Variants in RPRD1B observed in about 807,000 individuals in gnomAD.
RPRD1B encodes regulation of nuclear pre-mRNA domain containing 1B.
A neutral mutation model predicts 41.5 loss-of-function variants in RPRD1B; 11 were observed. That is an observed-to-expected ratio of 0.27 (90% CI 0.17 to 0.44). The LOEUF is 0.44. Ranked by LOEUF, RPRD1B falls within the 20% of genes least tolerant of loss-of-function variation. The pLI is 1.00. For synonymous variants in RPRD1B, 158 were observed against 155.6 expected, an observed-to-expected ratio of 1.02 and a Z score of -0.12; for missense variants, 248 against 389.9, an observed-to-expected ratio of 0.64 and a Z score of 3.06.
At chr20:38,086,475 C>T (rs1330215018) in intron 6 of RPRD1B, among the ~76,000 whole-genome samples, 1 of 152,172 alleles carries the variant, frequency 6.6e-6, no homozygotes, top group Non-Finnish European at 1.5e-5. Context: ...GCCTACAGAT[C>T]TTTTCTTTTT....
chr20:38,089,635 A>T, intron 6 of RPRD1B, 91 bp from the exon 7 acceptor site: 1 of 1,037,248 alleles, frequency 9.6e-7, no homozygotes, highest in South Asian at 1.4e-5. Context: ...AAGGAAGAAC[A>T]CGAGGACGAG....
intron 1 of RPRD1B, among the ~76,000 whole-genome samples, chr20:38,035,220 T>C (rs1429292884): frequency 6.6e-6 from 1 of 152,194 alleles, no homozygotes; most frequent in African/African-American, 2.4e-5. Flanking sequence ...TTCAAGTTGC[T>C]TACAGTCTGG....
intron 3 of RPRD1B, among the ~76,000 whole-genome samples, chr20:38,056,323 G>A (rs1178050751): frequency 1.3e-5 from 2 of 152,070 alleles, no homozygotes; most frequent in Non-Finnish European, 2.9e-5. Flanking sequence ...CCCAGGAGGC[G>A]GAAGTTGCAG....
At chr20:38,034,827 G>A (rs1755832161) in intron 1 of RPRD1B, among the ~76,000 whole-genome samples, 1 of 152,212 alleles carries the variant, frequency 6.6e-6, no homozygotes, top group African/African-American at 2.4e-5. Flanking sequence ...GCCAGGCACT[G>A]GCTTGGACAC....
At chr20:38,061,459 A>G (rs914848474) in intron 5 of RPRD1B, among the ~76,000 whole-genome samples, 4 of 152,190 alleles carry the variant, frequency 2.6e-5, no homozygotes, top group Non-Finnish European at 2.9e-5. Context: ...CTCTCTGTGT[A>G]TTAGATCTGC....
chr20:38,077,001 C>T (rs1223469916), intron 6 of RPRD1B, among the ~76,000 whole-genome samples: 2 of 144,396 alleles, frequency 1.4e-5, no homozygotes, highest in African/African-American at 2.6e-5. Context: ...ACTGCAACCT[C>T]CCACCTCCTG....
At chr20:38,044,405 ACT>A (rs1192548211) in intron 2 of RPRD1B, among the ~76,000 whole-genome samples, 1 of 128,844 alleles carries the variant, frequency 7.8e-6, no homozygotes, top group Non-Finnish European at 1.6e-5. Context: ...ACGGAGTCTC[ACT>A]CTGTCGCCCA....
intron 3 of RPRD1B, chr20:38,049,647 C>T: frequency 4.4e-6 from 2 of 458,792 alleles, no homozygotes; most frequent in Non-Finnish European, 9.0e-6. Flanking sequence ...ATATTATAGG[C>T]GTGAGCCACC....
intron 2 of RPRD1B, among the ~76,000 whole-genome samples, chr20:38,045,879 A>G (rs968810861): frequency 3.3e-5 from 5 of 152,184 alleles, no homozygotes; most frequent in South Asian, 4.1e-4. Context: ...TTATTTTTCT[A>G]AGCTATACAT....
intron 6 of RPRD1B, among the ~76,000 whole-genome samples, chr20:38,073,486 A>G (rs1319252231): frequency 2.0e-5 from 3 of 152,152 alleles, no homozygotes. Flanking sequence ...GACTCTTCAT[A>G]TTTCTGTTTG....
chr20:38,068,500 C>G (rs1600423601), intron 6 of RPRD1B, among the ~76,000 whole-genome samples: 1 of 152,114 alleles, frequency 6.6e-6, no homozygotes, highest in Admixed American at 6.5e-5. Context: ...TCAACCAATC[C>G]CCCGTCTCAG....
At chr20:38,053,556 C>T (rs903366930) in intron 3 of RPRD1B, among the ~76,000 whole-genome samples, 12 of 152,110 alleles carry the variant, frequency 7.9e-5, no homozygotes, top group African/African-American at 2.7e-4. Context: ...GCCCGAGTGC[C>T]GTGGGAGTTG....
intron 6 of RPRD1B, among the ~76,000 whole-genome samples, chr20:38,088,523 C>T (rs574528561): frequency 7.9e-5 from 12 of 152,176 alleles, no homozygotes; most frequent in Non-Finnish European, 4.4e-5. Flanking sequence ...AGGGGCCCAG[C>T]GTCAGGGACC....
At chr20:38,086,210 G>C (rs6064031) in intron 6 of RPRD1B, among the ~76,000 whole-genome samples, 22,550 of 152,112 alleles carry the variant, frequency 0.15, 1,712 homozygotes, top group South Asian at 0.28. Context: ...CAGGGATGGG[G>C]AGTGGGAAAT....
intron 3 of RPRD1B, among the ~76,000 whole-genome samples, chr20:38,054,907 T>G (rs1197528426): frequency 6.6e-6 from 1 of 152,230 alleles, no homozygotes; most frequent in Non-Finnish European, 1.5e-5. Flanking sequence ...GCATGGGTCA[T>G]ATAGCACACA....
chr20:38,043,946 T>C (rs2074095046), intron 2 of RPRD1B, among the ~76,000 whole-genome samples: 2 of 152,164 alleles, frequency 1.3e-5, no homozygotes, highest in South Asian at 4.1e-4. Flanking sequence ...TGAAGCTCAG[T>C]AGAGACTTGA....
At chr20:38,059,262 A>G (rs867414814) in intron 4 of RPRD1B, 132 bp from the exon 5 acceptor site, 2 of 908,902 alleles carry the variant, frequency 2.2e-6, no homozygotes, top group Non-Finnish European at 1.6e-6. Context: ...CTCTGGGGCT[A>G]AGAACAGTTT....
chr20:38,091,866 A>T lies in RPRD1B; in HGVS notation c.*1991A>T, dbSNP rs1237102853. 2 of 985,744 alleles carry T rather than the reference A, an allele frequency of 2.0e-6. No individual in the cohort carries two copies. Among genetic ancestry groups the T allele is most frequent in the Non-Finnish European group, 2.4e-6 (2 of 829,890 alleles). The allele number at this position is 985,744 out of a possible 1,614,324, so 61.1% of individuals were successfully genotyped here. ...GACCAGCAATTGGTGCATAATTATTACAGCAAAAGTTAAGAAATGAAACTG... is the reference window on the plus strand; with the variant it reads ...GACCAGCAATTGGTGCATAATTATTTCAGCAAAAGTTAAGAAATGAAACTG... On this transcript the variant is annotated 3_prime_UTR_variant, in exon 7 of 7. Transcript: ENST00000373433.
intron 3 of RPRD1B, among the ~76,000 whole-genome samples, chr20:38,057,104 C>T (rs1326959070): frequency 6.6e-6 from 1 of 152,110 alleles, no homozygotes; most frequent in Non-Finnish European, 1.5e-5. Context: ...TTGTGTTTGA[C>T]ACAATTTTAT....
Sources: allele counts gnomAD v4.1 joint callset (sites outside exome capture counted in the v4.1 genomes callset), GRCh38; gene constraint gnomAD v4.1.1; transcripts MANE v1.5; gene names NCBI Gene and HGNC (gene_info 2026-07-23, HGNC 2026-07-21).